The following FHL5 variants were observed in gnomAD, a reference collection of about 807,000 sequenced individuals.
FHL5 encodes the protein four and a half LIM domains protein 5.
A neutral mutation model predicts 32.0 loss-of-function variants in FHL5; 33 were observed. That is an observed-to-expected ratio of 1.03 (90% confidence interval 0.78 to 1.38). The LOEUF (loss-of-function observed/expected upper bound fraction) is 1.38, where lower values mean the gene tolerates loss of function less well. FHL5 is among the 40% of genes most tolerant of loss of function. The pLI is 0.00. For synonymous variants in FHL5, 114 were observed against 113.6 expected (o/e 1.00, Z -0.02); for missense variants, 336 against 343.9 (o/e 0.98, Z 0.18).
intron 1 of FHL5, among the ~76,000 whole-genome samples, chr6:96,586,529 G>C (rs979716980): frequency 6.6e-6 from 1 of 152,050 alleles, no homozygotes; most frequent in African/African-American, 2.4e-5. Flanking sequence ...AAGCTTGGGA[G>C]GAAGAAAGGT....
rs367722757 is a variant in FHL5, at chr6:96,567,656, AT to A, written c.-13+4309del. Reference sequence around the variant, plus strand: ...CTTTCCATTTTTTGTGTCTTCTTCAATTTTTTTTATCAGTGTTTTGCAGTTT... The same window carrying A: ...CTTTCCATTTTTTGTGTCTTCTTCAATTTTTTTATCAGTGTTTTGCAGTTT... On this transcript the variant is annotated intron_variant, in intron 1 of 5. Coordinates refer to ENST00000450218, the MANE Select transcript of FHL5 (RefSeq NM_001322466.2). 8.0e-4 allele frequency among the ~76,000 whole-genome samples: 121 copies of A among 151,388 alleles called. 2 individuals are homozygous for A. In the Middle Eastern group the frequency reaches 0.017, roughly 21 times the overall value.
At chr6:96,607,814 C>G (rs935125053) in intron 4 of FHL5, among the ~76,000 whole-genome samples, 10 of 150,518 alleles carry the variant, frequency 6.6e-5, no homozygotes, top group African/African-American at 2.4e-4. Flanking sequence ...GACACCCTGT[C>G]TGTATAAAAA....
At chr6:96,606,257 A>G (rs1186602224) in intron 4 of FHL5, among the ~76,000 whole-genome samples, 186 bp downstream of exon 4, 2 of 148,364 alleles carry the variant, frequency 1.3e-5, no homozygotes, top group East Asian at 3.9e-4. Context: ...TTTTTTTTTT[A>G]TTAACCATAA....
chr6:96,608,735 G>T (rs558711550), intron 4 of FHL5, among the ~76,000 whole-genome samples: 23 of 152,242 alleles, frequency 1.5e-4, no homozygotes, highest in African/African-American at 5.3e-4. Context: ...GAACAAACTT[G>T]TTCTAAATCC....
At chr6:96,570,754 T>C (rs1451405464) in intron 1 of FHL5, among the ~76,000 whole-genome samples, 1 of 152,140 alleles carries the variant, frequency 6.6e-6, no homozygotes, top group Non-Finnish European at 1.5e-5. Context: ...AGAGATTCTT[T>C]TTTCTGCTTG....
Position 96,615,927 on chromosome 6 carries a change from A to G in FHL5, c.*155A>G. On this transcript the variant is annotated 3_prime_UTR_variant, in exon 6 of 6. Coordinates refer to ENST00000450218, the MANE Select transcript of FHL5 (RefSeq NM_001322466.2). ...ACACATTTTGATCGAACTATATTCT[A>G]AGCACACAAAAAGCACAGTAGAACA... The G allele has an allele frequency of 1.8e-6, 1 of 559,908 alleles. No homozygotes were observed. 34.7% of individuals were successfully genotyped at this position (559,908 alleles called of 1,614,324 possible).
chr6:96,563,614 T>C (rs925580844), intron 1 of FHL5, among the ~76,000 whole-genome samples: 5 of 152,132 alleles, frequency 3.3e-5, no homozygotes, highest in Non-Finnish European at 7.4e-5. Flanking sequence ...AGATAACTCC[T>C]TGGAATTGCC....
At chr6:96,601,064 G>C (rs977448405) in intron 1 of FHL5, among the ~76,000 whole-genome samples, 1 of 152,184 alleles carries the variant, frequency 6.6e-6, no homozygotes, top group African/African-American at 2.4e-5. Context: ...GGCCAGGCGC[G>C]GTGGCTCACG....
chr6:96,574,715 T>C (rs1770550054), intron 1 of FHL5, among the ~76,000 whole-genome samples: 2 of 152,164 alleles, frequency 1.3e-5, no homozygotes, highest in Admixed American at 1.3e-4. Flanking sequence ...TAGCTTTTAT[T>C]ATATGCTAAA....
At chr6:96,593,089 A>G (rs1582470099) in intron 1 of FHL5, among the ~76,000 whole-genome samples, 1 of 151,708 alleles carries the variant, frequency 6.6e-6, no homozygotes, top group Non-Finnish European at 1.5e-5. Flanking sequence ...CTATTTTATC[A>G]TCTTTTTCAT....
intron 1 of FHL5, among the ~76,000 whole-genome samples, chr6:96,585,579 C>A (rs1242614459): frequency 6.6e-6 from 1 of 152,104 alleles, no homozygotes; most frequent in East Asian, 1.9e-4. Context: ...AAAAACCCTA[C>A]TCTATATCCT....
chr6:96,573,105 A>G (rs774369635), intron 1 of FHL5, among the ~76,000 whole-genome samples: 4 of 152,198 alleles, frequency 2.6e-5, no homozygotes, highest in African/African-American at 4.8e-5. Flanking sequence ...TCATACATAC[A>G]TGTAATTCAT....
intron 1 of FHL5, among the ~76,000 whole-genome samples, chr6:96,585,935 A>G (rs1457251106): frequency 6.6e-6 from 1 of 152,222 alleles, no homozygotes; most frequent in Non-Finnish European, 1.5e-5. Flanking sequence ...TGTTAACTGA[A>G]ACTTGTGCAT....
chr6:96,594,058 C>A (rs1187338132), intron 1 of FHL5, among the ~76,000 whole-genome samples: 1 of 151,226 alleles, frequency 6.6e-6, no homozygotes, highest in Non-Finnish European at 1.5e-5. Flanking sequence ...TGCTGATAAT[C>A]TTATCCATTG....
chr6:96,569,827 C>CT lies in FHL5; in HGVS notation c.-13+6484dup, dbSNP rs574224340. The stretch of plus-strand genomic sequence containing the variant: ...TCTTTTAGGCAGCATATACTTAGGT[C>CT]TTTTTTTTTTTTAATTCATTCAGCT... On this transcript the variant is annotated intron_variant, in intron 1 of 5. Coordinates refer to ENST00000450218, the MANE Select transcript of FHL5 (RefSeq NM_001322466.2). 4.2e-3 allele frequency among the ~76,000 whole-genome samples: 467 copies of CT among 110,964 alleles called. 4 individuals carry two copies. The highest frequency in any genetic ancestry group is 0.02 in the East Asian group (89 of 4,368). The allele number at this position is 110,964 out of a possible 152,430, so 72.8% of individuals were successfully genotyped here.
intron 1 of FHL5, among the ~76,000 whole-genome samples, chr6:96,569,211 T>A (rs1198526003): frequency 6.6e-6 from 1 of 152,050 alleles, no homozygotes; most frequent in Non-Finnish European, 1.5e-5. Context: ...AATTTGTTAT[T>A]CAGGAACATG....
intron 1 of FHL5, among the ~76,000 whole-genome samples, chr6:96,595,818 A>G (rs1771023130): frequency 6.6e-6 from 1 of 151,860 alleles, no homozygotes. Context: ...ATTTTTCTAT[A>G]TAATGCTCTC....
At chr6:96,613,391 C>T (rs1270627077) in intron 5 of FHL5, among the ~76,000 whole-genome samples, 1 of 152,142 alleles carries the variant, frequency 6.6e-6, no homozygotes, top group Non-Finnish European at 1.5e-5. Flanking sequence ...TAGGATTAAC[C>T]TCTTAAACTA....
At chr6:96,574,571 C>T (rs942910464) in intron 1 of FHL5, among the ~76,000 whole-genome samples, 3 of 152,126 alleles carry the variant, frequency 2.0e-5, no homozygotes, top group South Asian at 4.1e-4. Flanking sequence ...CAGGCAGTGG[C>T]TAGATTTGGC....
Sources: allele counts gnomAD v4.1 joint callset (sites outside exome capture counted in the v4.1 genomes callset), GRCh38; gene constraint gnomAD v4.1.1; transcripts MANE v1.5; gene names NCBI Gene and HGNC (gene_info 2026-07-23, HGNC 2026-07-21).